Variants in GOLM2 observed in about 807,000 individuals in gnomAD.
GOLM2 encodes protein GOLM2.
Under a neutral mutation model 55.9 loss-of-function variants are expected in GOLM2, and 26 were observed. The observed-to-expected ratio is 0.47, with a 90% CI of 0.34 to 0.65. GOLM2 has a LOEUF of 0.65. Ranked by LOEUF, GOLM2 falls within the 30% of genes least tolerant of loss-of-function variation. The pLI is 0.01. For missense variants in GOLM2, 486 were observed against 531.8 expected (o/e 0.91, Z 0.85); for synonymous variants, 165 against 194.6 (o/e 0.85, Z 1.27).
chr15:44,291,074 A>G (rs1223341826), intron 1 of GOLM2, among the ~76,000 whole-genome samples: 1 of 145,746 alleles, frequency 6.9e-6, no homozygotes, highest in Non-Finnish European at 1.5e-5. Flanking sequence ...AAGTGCTGGG[A>G]TTACAGGTGT....
intron 1 of GOLM2, among the ~76,000 whole-genome samples, chr15:44,303,838 C>T (rs972104579): frequency 5.3e-5 from 8 of 150,642 alleles, no homozygotes; most frequent in African/African-American, 1.7e-4. Context: ...CAGGTTCAAG[C>T]AATTCTCGTG....
chr15:44,390,682 G>A (rs2079481567), intron 8 of GOLM2, among the ~76,000 whole-genome samples: 1 of 151,204 alleles, frequency 6.6e-6, no homozygotes. Context: ...TGATTCTCCT[G>A]CCTCAGCCTC....
chr15:44,326,263 C>CAAAA (rs569803247), intron 2 of GOLM2, among the ~76,000 whole-genome samples: 2 of 59,776 alleles, frequency 3.3e-5, no homozygotes, highest in South Asian at 5.1e-4. Context: ...GACTCTGTCT[C>CAAAA]AAAAAAAAAA....
At chr15:44,410,395 C>T (rs906677656) in intron 9 of GOLM2, among the ~76,000 whole-genome samples, 4 of 152,188 alleles carry the variant, frequency 2.6e-5, no homozygotes, top group Non-Finnish European at 5.9e-5. Flanking sequence ...CGCGCCACTG[C>T]GCTCCAGCCT....
chr15:44,334,498 C>T (rs1054641248), intron 4 of GOLM2, among the ~76,000 whole-genome samples: 9 of 152,168 alleles, frequency 5.9e-5, no homozygotes, highest in Non-Finnish European at 1.3e-4. Context: ...CTGAATTCAG[C>T]TTGCTGCCTG....
At chr15:44,359,440 T>A (rs2079221295) in intron 6 of GOLM2, among the ~76,000 whole-genome samples, 1 of 151,214 alleles carries the variant, frequency 6.6e-6, no homozygotes, top group Admixed American at 6.6e-5. Context: ...ACAAAAAAAT[T>A]AGCCAGGCAT....
chr15:44,370,047 G>A (rs1028886692), intron 6 of GOLM2, among the ~76,000 whole-genome samples: 9 of 152,136 alleles, frequency 5.9e-5, no homozygotes, highest in African/African-American at 2.2e-4. Context: ...GAAAGATGTA[G>A]GCTGTTAAGC....
At chr15:44,305,282 C>CGAGGTCAAGAGAT (rs2078828720) in intron 1 of GOLM2, among the ~76,000 whole-genome samples, 5 of 152,106 alleles carry the variant, frequency 3.3e-5, no homozygotes, top group African/African-American at 1.2e-4. Context: ...TTAATGGCCA[C>CGAGGTCAAGAGAT]TGTGCCCAGC....
intron 8 of GOLM2, among the ~76,000 whole-genome samples, chr15:44,395,168 G>A (rs983763279): frequency 9.4e-5 from 14 of 149,346 alleles, no homozygotes; most frequent in East Asian, 4.0e-4. Context: ...CCGCCACCAC[G>A]CCCGGCTAAT....
At chr15:44,297,276 A>G (rs1473877229) in intron 1 of GOLM2, among the ~76,000 whole-genome samples, 1 of 152,106 alleles carries the variant, frequency 6.6e-6, no homozygotes, top group Non-Finnish European at 1.5e-5. Context: ...GCCAGCCTGA[A>G]CTTCCTCAAA....
chr15:44,295,191 T>C (rs2078748144), intron 1 of GOLM2, among the ~76,000 whole-genome samples: 1 of 152,076 alleles, frequency 6.6e-6, no homozygotes, highest in South Asian at 2.1e-4. Flanking sequence ...GTGATTCTCC[T>C]GCCTCATCCT....
Position 44,289,116 on chromosome 15 carries a change from C to G in GOLM2, c.87C>G (p.Ala29=), listed in dbSNP as rs771134546. 2 of 1,614,200 alleles carry G rather than the reference C, an allele frequency of 1.2e-6. No individual in the cohort carries two copies. The highest frequency in any genetic ancestry group is 1.1e-5 in the South Asian group (1 of 91,088). The change falls in exon 1 of 10, where the codon GCC becomes GCG. Residue 29 remains alanine, a synonymous_variant. Coordinates refer to ENST00000299957, the MANE Select transcript of GOLM2 (RefSeq NM_138423.4). The surrounding 1 kb of genome is among the most constrained non-coding windows in gnomAD (Gnocchi z 4.8). Reference sequence around the variant, plus strand: ...TGCTGGTGGTGATCGTCGTCCTCGCCTTCAACTACTGGAGCATCTCCTCCC... The same window carrying G: ...TGCTGGTGGTGATCGTCGTCCTCGCGTTCAACTACTGGAGCATCTCCTCCC... ...VVLLVVIVVL[A]FNYWSISSRH...
At chr15:44,330,004 G>A (rs530918924) in intron 3 of GOLM2, among the ~76,000 whole-genome samples, 10 of 148,090 alleles carry the variant, frequency 6.8e-5, no homozygotes, top group African/African-American at 1.7e-4. Context: ...TCTGCCTCCC[G>A]GGTTCACACC....
At chr15:44,310,688 G>C (rs1378129045) in intron 1 of GOLM2, among the ~76,000 whole-genome samples, 2 of 151,576 alleles carry the variant, frequency 1.3e-5, no homozygotes, top group African/African-American at 2.4e-5. Context: ...CTGGATGACA[G>C]TACAAGACCC....
intron 6 of GOLM2, among the ~76,000 whole-genome samples, chr15:44,361,633 AC>A (rs1290995310): frequency 6.6e-6 from 1 of 152,044 alleles, no homozygotes; most frequent in African/African-American, 2.4e-5. Flanking sequence ...AGGAACTGGT[AC>A]CATTCCTTCT....
chr15:44,409,611 AAAAAAAAAAAAAAAAT>A (rs2079622762), intron 9 of GOLM2: 1 of 143,492 alleles, frequency 7.0e-6, no homozygotes, highest in South Asian at 2.2e-4. Context: ...AAAAAAAAAA[AAAAAAAAAAAAAAAAT>A]GCTGGGCGCT....
In GOLM2 at chr15:44,288,792, T is replaced by A. The variant is rs1416059039; in HGVS notation, c.-238T>A. ...GGTTCTCCCGGTTCCCTTGGGCAGG[T>A]GCAGGGTCGGGTTCAAAGCCTCCGG... On this transcript the variant is annotated 5_prime_UTR_variant, in exon 1 of 10. Transcript: ENST00000299957. 1 of 550,934 alleles carries A rather than the reference T, an allele frequency of 1.8e-6. No homozygotes were observed. The highest frequency in any genetic ancestry group is 3.2e-6 in the Non-Finnish European group (1 of 313,360). The allele number at this position is 550,934 out of a possible 1,614,324, so 34.1% of individuals were successfully genotyped here.
At position 44,376,869 on chromosome 15, in the gene GOLM2, G is replaced by A. The variant is rs557254560; in HGVS notation, c.803-2821G>A. Among the ~76,000 whole-genome samples, 209 of 152,060 alleles carry A rather than the reference G, an allele frequency of 1.4e-3. 2 individuals carry two copies. Among genetic ancestry groups the A allele is most frequent in the African/African-American group, 4.9e-3 (203 of 41,460 alleles). On this transcript the variant is annotated intron_variant, in intron 6 of 9. Transcript: ENST00000299957. ...AAGCCCTCTAACTATTCTATCCTAG[G>A]TATAAATAAATACCTTTCTCCTTAG...
At chr15:44,297,702 C>T (rs1404460649) in intron 1 of GOLM2, among the ~76,000 whole-genome samples, 3 of 150,940 alleles carry the variant, frequency 2.0e-5, no homozygotes, top group Non-Finnish European at 4.4e-5. Flanking sequence ...GCTAGGACTA[C>T]AGGCACCCGC....
Sources: gnomAD v4.1 joint callset for allele counts (sites outside exome capture counted in the v4.1 genomes callset) on GRCh38, gnomAD v4.1.1 for gene constraint, Gnocchi (gnomAD v3.1) non-coding constraint, MANE v1.5 for transcripts, NCBI Gene and HGNC (gene_info 2026-07-23, HGNC 2026-07-21) for gene names.